The following WDFY4 variants were observed in gnomAD, a reference collection of about 807,000 sequenced individuals.
The protein encoded by WDFY4 is WDFY family member 4, also known as WD repeat- and FYVE domain-containing protein 4.
In WDFY4, 169 loss-of-function variants were observed where a neutral mutation model predicts 351.9. The ratio of observed to expected loss-of-function variants is 0.48; its 90% CI spans 0.42 to 0.55. The LOEUF is 0.55. Ranked by LOEUF, WDFY4 falls within the 20% of genes least tolerant of loss-of-function variation. The pLI is 0.00. For missense variants in WDFY4, 3,803 were observed against 3,935.6 expected, an observed-to-expected ratio of 0.97 and a Z score of 0.90; for synonymous variants, 1,622 against 1,574.6, an observed-to-expected ratio of 1.03 and a Z score of -0.71.
In WDFY4 at chr10:48,897,831, G is replaced by C. The variant is rs565143236; in HGVS notation, c.7437+257G>C. On this transcript the variant is annotated intron_variant, in intron 45 of 61. Coordinates refer to ENST00000325239, the MANE Select transcript of WDFY4 (RefSeq NM_001394531.1). Reference sequence around the variant, plus strand: ...CTTTTGCTGTGTCTTTTAGGATTTAGCTGCTTCGCTGTTTTGCTCTTGACA... The same window carrying C: ...CTTTTGCTGTGTCTTTTAGGATTTACCTGCTTCGCTGTTTTGCTCTTGACA... Among the ~76,000 whole-genome samples, 90 of 152,364 alleles carry C rather than the reference G, an allele frequency of 5.9e-4. 1 individual carries two copies. In the South Asian group the frequency reaches 0.019, roughly 32 times the overall value.
intron 51 of WDFY4, among the ~76,000 whole-genome samples, chr10:48,952,753 G>A (rs2133805813): frequency 6.6e-6 from 1 of 152,238 alleles, no homozygotes; most frequent in South Asian, 2.1e-4. Context: ...CTACAGGAAG[G>A]AAAGCTAATG....
At chr10:48,883,530 G>C (rs1034697859) in intron 43 of WDFY4, among the ~76,000 whole-genome samples, 3 of 152,208 alleles carry the variant, frequency 2.0e-5, no homozygotes, top group Non-Finnish European at 2.9e-5. Context: ...TGTGGGCCTT[G>C]TACTTTTTCT....
At chr10:48,906,551 G>T (rs1208501098) in intron 47 of WDFY4, among the ~76,000 whole-genome samples, 1 of 152,242 alleles carries the variant, frequency 6.6e-6, no homozygotes, top group East Asian at 1.9e-4. Flanking sequence ...ACATATGCCA[G>T]CTAGAGCTGT....
chr10:48,836,653 G>A (rs2068405277), intron 39 of WDFY4, among the ~76,000 whole-genome samples: 2 of 152,122 alleles, frequency 1.3e-5, no homozygotes, highest in African/African-American at 4.8e-5. Flanking sequence ...TTTGAGGCAG[G>A]GCTGATTTGA....
At chr10:48,972,633 A>G (rs1489980023) in intron 57 of WDFY4, among the ~76,000 whole-genome samples, 1 of 152,252 alleles carries the variant, frequency 6.6e-6, no homozygotes, top group Non-Finnish European at 1.5e-5. Context: ...TCCAAGTTTT[A>G]ACTATTTTAC....
chr10:48,919,329 A>G (rs931527606), intron 47 of WDFY4, among the ~76,000 whole-genome samples: 4 of 152,240 alleles, frequency 2.6e-5, no homozygotes, highest in Non-Finnish European at 5.9e-5. Context: ...AAACTACTAA[A>G]TATTTGCGAA....
rs191235577 is a variant in WDFY4, at chr10:48,725,990, G to A, written c.701G>A (p.Cys234Tyr). Residue 234 changes from cysteine to tyrosine, a missense_variant, in exon 6 of 62, where the codon TGC becomes TAC. Physicochemically the swap from Cys to Tyr is radical, Grantham distance 194 (BLOSUM62 -2). Transcript: ENST00000325239. Reference protein sequence around the residue: ...ATTCLREHSCCFWKEPTFCVL... With the variant: ...ATTCLREHSCYFWKEPTFCVL... The stretch of plus-strand genomic sequence containing the variant: ...ACCTGCCTTCGGGAGCACAGCTGCT[G>A]CTTCTGGAAGGAACCCACCTTCTGC... 4.6e-5 allele frequency: 71 copies of A among 1,551,758 alleles called. 1 individual carries two copies. The East Asian group carries it at 1.7e-3, about 38-fold the overall frequency.
At chr10:48,861,872 T>C (rs540868456) in intron 39 of WDFY4, among the ~76,000 whole-genome samples, 2 of 152,208 alleles carry the variant, frequency 1.3e-5, no homozygotes, top group East Asian at 3.9e-4. Flanking sequence ...GCTAAGACTT[T>C]GTTCATTTTT....
At chr10:48,976,251 A>G (rs1262324460) in intron 58 of WDFY4, among the ~76,000 whole-genome samples, 1 of 152,218 alleles carries the variant, frequency 6.6e-6, no homozygotes, top group Non-Finnish European at 1.5e-5. Context: ...CTATAGAATA[A>G]ACAGGACTTG....
At chr10:48,802,354 T>C (rs2067114363) in intron 24 of WDFY4, among the ~76,000 whole-genome samples, 3 of 152,100 alleles carry the variant, frequency 2.0e-5, no homozygotes, top group Non-Finnish European at 4.4e-5. Flanking sequence ...CCAGCTTGGG[T>C]CTCTCAAAAA....
intron 36 of WDFY4, among the ~76,000 whole-genome samples, chr10:48,827,579 C>T (rs1353948483): frequency 6.7e-6 from 1 of 149,586 alleles, no homozygotes; most frequent in Non-Finnish European, 1.5e-5. Context: ...CAGCATCCTG[C>T]TGGCTGTGAG....
intron 1 of WDFY4, among the ~76,000 whole-genome samples, chr10:48,692,522 A>G (rs906715568): frequency 6.6e-6 from 1 of 152,264 alleles, no homozygotes; most frequent in Non-Finnish European, 1.5e-5. Flanking sequence ...AAGTGCTTTA[A>G]TTAAATGACT....
chr10:48,960,225 C>CA (rs1841796721), intron 53 of WDFY4, among the ~76,000 whole-genome samples: 2 of 152,132 alleles, frequency 1.3e-5, no homozygotes, highest in Non-Finnish European at 1.5e-5. Context: ...GCTTATTACC[C>CA]AAAAAACTGG....
Position 48,774,538 on chromosome 10 carries a change from C to A in WDFY4, c.2634C>A (p.Cys878Ter). The change falls in exon 14 of 62, where the codon TGC becomes TGA. Residue 878 changes from cysteine to a stop codon, truncating the protein, a stop_gained. Coordinates refer to ENST00000325239, the MANE Select transcript of WDFY4 (RefSeq NM_001394531.1). LOFTEE classifies it high-confidence loss of function. Reference protein sequence around the residue: ...VKSEKNRQVMCEAGLLGTLMA... With the variant: ...VKSEKNRQVM Reference sequence around the variant, plus strand: ...CGGAGAAGAACCGCCAGGTCATGTGCGAAGCAGGCTTGCTTGGGACCCTCA... The same window carrying A: ...CGGAGAAGAACCGCCAGGTCATGTGAGAAGCAGGCTTGCTTGGGACCCTCA... 2 of 1,551,630 alleles carry A rather than the reference C, an allele frequency of 1.3e-6. No homozygotes were observed. Among genetic ancestry groups the A allele is most frequent in the South Asian group, 1.2e-5 (1 of 84,054 alleles).
chr10:48,969,225 T>C lies in WDFY4; in HGVS notation c.8746T>C (p.Leu2916=). Residue 2916 remains leucine (L), a synonymous_variant, in exon 56 of 62, where the codon TTG becomes CTG. Transcript: ENST00000325239. ...SWGFDDFSCC[L]GSYGSDKVLM... Reference sequence around the variant, plus strand: ...GGGCTTTGATGACTTCAGCTGCTGCTTGGGGAGCTACGGCTCCGACAAGGT... The same window carrying C: ...GGGCTTTGATGACTTCAGCTGCTGCCTGGGGAGCTACGGCTCCGACAAGGT... 6.4e-7 allele frequency: 1 copy of C among 1,551,470 alleles called. No homozygotes were observed. The highest frequency in any genetic ancestry group is 8.7e-7 in the Non-Finnish European group (1 of 1,146,924).
intron 20 of WDFY4, among the ~76,000 whole-genome samples, chr10:48,787,882 C>CT (rs374253768): frequency 1.2e-4 from 10 of 85,186 alleles, no homozygotes; most frequent in East Asian, 4.0e-4. Context: ...TTCTTTCTTT[C>CT]TTCTTCTTCT....
chr10:48,858,320 G>T (rs1286347321), intron 39 of WDFY4, among the ~76,000 whole-genome samples: 1 of 152,178 alleles, frequency 6.6e-6, no homozygotes, highest in African/African-American at 2.4e-5. Context: ...AGATATGAAA[G>T]ATTTTTTCCT....
intron 1 of WDFY4, among the ~76,000 whole-genome samples, chr10:48,706,212 C>A (rs1017504891): frequency 6.6e-6 from 1 of 152,192 alleles, no homozygotes; most frequent in Admixed American, 6.5e-5. Flanking sequence ...TACTTTCATT[C>A]GTTTATGCAA....
At chr10:48,772,556 T>A (rs1173724415) in intron 13 of WDFY4, among the ~76,000 whole-genome samples, 95 of 146,094 alleles carry the variant, frequency 6.5e-4, no homozygotes, top group African/African-American at 2.1e-3. Flanking sequence ...TTTTTTTTTT[T>A]TTATTATACT....
Sources: allele counts gnomAD v4.1 joint callset (sites outside exome capture counted in the v4.1 genomes callset), GRCh38; gene constraint gnomAD v4.1.1; transcripts MANE v1.5; gene names NCBI Gene and HGNC (gene_info 2026-07-23, HGNC 2026-07-21).